The following NOX1 variants were observed in gnomAD, a reference collection of about 807,000 sequenced individuals.
NOX1 encodes NADH/NADPH mitogenic oxidase subunit P65-MOX.
Under a neutral mutation model 42.5 loss-of-function variants are expected in NOX1, and 34 were observed. That is an observed-to-expected ratio of 0.80 (90% CI 0.61 to 1.07). The LOEUF (loss-of-function observed/expected upper bound fraction) is 1.07, where lower values mean the gene tolerates loss of function less well. NOX1 is among the 50% of genes least tolerant of loss of function. The pLI is 0.00. For missense variants in NOX1, 408 were observed against 427.0 expected, an observed-to-expected ratio of 0.96 and a Z score of 0.39; for synonymous variants, 143 against 152.5, an observed-to-expected ratio of 0.94 and a Z score of 0.46.
intron 7 of NOX1, chrX:100,855,201 G>A: frequency 2.1e-6 from 1 of 469,294 alleles, no homozygotes; most frequent in Non-Finnish European, 3.9e-6. Flanking sequence ...CCACCACTGT[G>A]TTTGGCTGAG....
intron 2 of NOX1, among the ~76,000 whole-genome samples, chrX:100,868,761 G>A (rs2085254950): frequency 9.0e-6 from 1 of 111,187 alleles, no homozygotes; most frequent in African/African-American, 3.3e-5. Context: ...TTGTAAGCAG[G>A]TGTTCATAGA....
chrX:100,854,066 C>T (rs1219986547), intron 7 of NOX1, among the ~76,000 whole-genome samples: 1 of 110,871 alleles, frequency 9.0e-6, no homozygotes, highest in Non-Finnish European at 1.9e-5. Flanking sequence ...TCACTTGAAC[C>T]CAGGAGGCAG....
Position 100,843,608 on chromosome X carries a change from T to C in NOX1, c.*344A>G. ...ACCAAAACTCAGGAGATGGTAACAC[T>C]GGAATTGATAAAATCACCTGGGATT... On this transcript the variant is annotated 3_prime_UTR_variant, in exon 13 of 13. Transcript: ENST00000372966. 1.8e-6 allele frequency: 1 copy of C among 557,134 alleles called. No individual in the cohort carries two copies. Among genetic ancestry groups the C allele is most frequent in the East Asian group, 4.3e-5 (1 of 23,226 alleles). 45.9% of individuals were successfully genotyped at this position (557,134 alleles called of 1,213,427 possible).
chrX:100,867,223 G>A (rs2147919633), intron 2 of NOX1, among the ~76,000 whole-genome samples: 1 of 110,690 alleles, frequency 9.0e-6, no homozygotes, highest in East Asian at 2.9e-4. Flanking sequence ...TAGTAGAGAT[G>A]GGGTTTCACC....
At chrX:100,856,208 C>G in intron 7 of NOX1, 1 of 991,768 alleles carries the variant, frequency 1.0e-6, no homozygotes, top group East Asian at 3.1e-5. Context: ...TGTGACAAAC[C>G]CACAGCCCCT....
chrX:100,868,612 G>A (rs1395286798), intron 2 of NOX1, among the ~76,000 whole-genome samples: 1 of 110,963 alleles, frequency 9.0e-6, no homozygotes, highest in Non-Finnish European at 1.9e-5. Context: ...GAATTCTGTA[G>A]CACCCATGAG....
intron 12 of NOX1, among the ~76,000 whole-genome samples, chrX:100,848,086 GT>G (rs745625856): frequency 9.0e-6 from 1 of 111,621 alleles, no homozygotes; most frequent in Non-Finnish European, 1.9e-5. Context: ...TTGCCTCACT[GT>G]TTGAATGGAG....
At chrX:100,850,064 C>G in intron 9 of NOX1, 87 bp downstream of exon 9, 8 of 1,000,393 alleles carry the variant, frequency 8.0e-6, no homozygotes, top group Non-Finnish European at 1.1e-5. Context: ...TTCTATTGTA[C>G]CAAACTTAAG....
At chrX:100,853,322 C>CTTTTT (rs1477561382) in intron 7 of NOX1, among the ~76,000 whole-genome samples, 12 of 22,804 alleles carry the variant, frequency 5.3e-4, no homozygotes, top group Non-Finnish European at 9.1e-4. Flanking sequence ...TTCTTTCTTT[C>CTTTTT]TCTCTCTTTC....
At chrX:100,847,766 C>CAACA (rs1556121203) in intron 12 of NOX1, among the ~76,000 whole-genome samples, 1 of 60,733 alleles carries the variant, frequency 1.6e-5, no homozygotes, top group Non-Finnish European at 2.9e-5. Flanking sequence ...AACTCCATCT[C>CAACA]AAAAAAAAAA....
At chrX:100,845,988 G>A (rs1466399990) in intron 12 of NOX1, among the ~76,000 whole-genome samples, 1 of 110,323 alleles carries the variant, frequency 9.1e-6, no homozygotes, top group Non-Finnish European at 1.9e-5. Context: ...GGGTTTCACC[G>A]TGTTAGCCAG....
At position 100,856,499 on chromosome X, in the gene NOX1, G is replaced by A. The variant is rs761446557; in HGVS notation, c.805-5174C>T. ...TACTAGTCCGCTAATACAGATCCCTGGTTATGATCTTATAATTTCCTCTGA... is the reference window on the plus strand; with the variant it reads ...TACTAGTCCGCTAATACAGATCCCTAGTTATGATCTTATAATTTCCTCTGA... On this transcript the variant is annotated intron_variant, in intron 7 of 12. Transcript: ENST00000372966. 77 of 316,044 alleles carry A rather than the reference G, an allele frequency of 2.4e-4. 1 individual carries two copies. Among genetic ancestry groups the A allele is most frequent in the African/African-American group, 1.8e-3 (70 of 38,269 alleles). 26.0% of individuals were successfully genotyped at this position (316,044 alleles called of 1,213,427 possible).
chrX:100,862,140 AAG>A (rs1380749292), intron 7 of NOX1, 29 bp downstream of exon 7: 1 of 1,197,608 alleles, frequency 8.3e-7, no homozygotes, highest in African/African-American at 1.8e-5. Flanking sequence ...AGCTCCTAAC[AAG>A]AGTCTGTCCT....
intron 6 of NOX1, 27 bp downstream of exon 6, chrX:100,862,365 A>G (rs777829608): frequency 1.7e-4 from 202 of 1,207,434 alleles, no homozygotes; most frequent in Non-Finnish European, 2.1e-4. Context: ...GGGCTGGGGC[A>G]TGAGAATGAG....
At chrX:100,853,296 T>TTC (rs764385712) in intron 7 of NOX1, among the ~76,000 whole-genome samples, 36 of 63,835 alleles carry the variant, frequency 5.6e-4, no homozygotes, top group African/African-American at 2.5e-3. Context: ...CTTTCTTTCT[T>TTC]TCTTTCTTTC....
At chrX:100,871,430 A>C (rs1393753580) in intron 1 of NOX1, among the ~76,000 whole-genome samples, 1 of 112,823 alleles carries the variant, frequency 8.9e-6, no homozygotes, top group African/African-American at 3.2e-5. Flanking sequence ...AACAAAGAAC[A>C]AATTTAGCAC....
chrX:100,849,230 G>A (rs763463399), intron 11 of NOX1, 50 bp downstream of exon 11: 1 of 1,170,468 alleles, frequency 8.5e-7, no homozygotes, highest in Non-Finnish European at 1.2e-6. Flanking sequence ...TCCTTTGTCT[G>A]ACATTCGTCT....
At chrX:100,873,393 C>T (rs1296129533) in intron 1 of NOX1, among the ~76,000 whole-genome samples, 1 of 112,012 alleles carries the variant, frequency 8.9e-6, no homozygotes, top group Non-Finnish European at 1.9e-5. Context: ...AGTTGGTTTA[C>T]ATCTGCACTA....
At chrX:100,846,092 T>C (rs2085071438) in intron 12 of NOX1, among the ~76,000 whole-genome samples, 1 of 110,964 alleles carries the variant, frequency 9.0e-6, no homozygotes, top group Non-Finnish European at 1.9e-5. Context: ...GGCCTAATTT[T>C]TTGTATTTTT....
Sources: gnomAD v4.1 joint callset for allele counts (sites outside exome capture counted in the v4.1 genomes callset) on GRCh38, gnomAD v4.1.1 for gene constraint, MANE v1.5 for transcripts, NCBI Gene and HGNC (gene_info 2026-07-23, HGNC 2026-07-21) for gene names.